USP50: variants seen among roughly 807,000 people sequenced by gnomAD.
USP50 encodes ubiquitin specific peptidase 50.
Under a neutral mutation model 39.2 loss-of-function variants are expected in USP50, and 37 were observed. That is an observed-to-expected ratio of 0.94 (90% CI 0.73 to 1.24). USP50 has a LOEUF of 1.24. Among genes scored for constraint, USP50 ranks in the 50% most tolerant of loss-of-function variants. USP50 has a pLI of 0.00. For missense variants in USP50, 374 were observed against 398.2 expected (o/e 0.94, Z 0.52); for synonymous variants, 139 against 144.5 (o/e 0.96, Z 0.27).
At chr15:50,498,359 A>G (rs62019115), downstream of USP50, 66,805 of 425,866 alleles carry the variant, frequency 0.16, 6,369 homozygotes, top group Admixed American at 0.28. Context: ...TCCTACCTCT[A>G]CCATTCTGGC....
intron 6 of USP50, among the ~76,000 whole-genome samples, chr15:50,518,980 TA>T (rs2052825692): frequency 6.6e-6 from 1 of 151,916 alleles, no homozygotes; most frequent in South Asian, 2.1e-4. Flanking sequence ...AAAAAAGAAA[TA>T]ATCCCATTAA....
chr15:50,497,281 T>G, downstream of USP50: 1 of 1,551,054 alleles, frequency 6.4e-7, no homozygotes, highest in Admixed American at 2.1e-5. Flanking sequence ...ATGAGGGAAT[T>G]TTAAGTTCTG....
intron 6 of USP50, among the ~76,000 whole-genome samples, chr15:50,521,190 C>T (rs557853982): frequency 1.3e-4 from 20 of 152,078 alleles, no homozygotes; most frequent in African/African-American, 4.1e-4. Flanking sequence ...TACAGGCGCC[C>T]GCCACCAAGC....
At chr15:50,514,807 C>T (rs2052786931) in intron 6 of USP50, among the ~76,000 whole-genome samples, 2 of 151,888 alleles carry the variant, frequency 1.3e-5, no homozygotes, top group East Asian at 1.9e-4. Context: ...GGATTACAGG[C>T]GTGAGCCACC....
At chr15:50,523,174 G>GTTTTTTTTTTT (rs1566906899) in intron 6 of USP50, among the ~76,000 whole-genome samples, 23 of 83,950 alleles carry the variant, frequency 2.7e-4, no homozygotes, top group South Asian at 8.5e-4. Flanking sequence ...AAAATCAGTA[G>GTTTTTTTTTTT]CTTTTTTTTT....
intron 6 of USP50, among the ~76,000 whole-genome samples, chr15:50,527,050 G>A (rs767508121): frequency 6.6e-5 from 10 of 152,164 alleles, no homozygotes; most frequent in Admixed American, 2.0e-4. Context: ...TCATGCAAAG[G>A]CTGGATAAAT....
intron 6 of USP50, chr15:50,510,631 T>A (rs2052723205): frequency 6.6e-6 from 1 of 152,166 alleles, no homozygotes; most frequent in South Asian, 2.1e-4. Flanking sequence ...GATACAAGAT[T>A]TAAATCAGCA....
At chr15:50,498,118 A>T, downstream of USP50, among the ~76,000 whole-genome samples, 1 of 152,322 alleles carries the variant, frequency 6.6e-6, no homozygotes, top group South Asian at 2.1e-4. Flanking sequence ...CAACCAAGAT[A>T]TCATTGTTTT....
At position 50,541,074 on chromosome 15, in the gene USP50, G is replaced by A. The variant is rs1040615668; in HGVS notation, c.635C>T (p.Pro212Leu). 2.5e-6 allele frequency: 4 copies of A among 1,613,662 alleles called. No individual in the cohort carries two copies. The highest frequency in any genetic ancestry group is 3.3e-5 in the Admixed American group (2 of 59,984). Residue 212 changes from proline to leucine, a missense_variant, in exon 4 of 7, where the codon CCA becomes CTA. Coordinates refer to ENST00000532404, the MANE Select transcript of USP50 (RefSeq NM_203494.5). The stretch of plus-strand genomic sequence containing the variant: ...CCGAAGGGAGCATTCATATTTGGAT[G>A]GAATGGGGAGTGAGAAGACAGTGAA... ...EVFTVFSLPI[P>L]SKYECSLRDC... is the part of the protein sequence containing the mutation.
rs149444604 is a variant in USP50, at chr15:50,544,975, C to T, written c.54-194G>A. On this transcript the variant is annotated intron_variant, in intron 1 of 6. Transcript: ENST00000532404. ...TATTATGGCAGAGCATAGTGGCTCA[C>T]ACCTGTAATCCCAGCCCTTTGGGAG... 8.1e-3 allele frequency among the ~76,000 whole-genome samples: 1,227 copies of T among 152,242 alleles called. 17 individuals carry two copies. Among genetic ancestry groups the T allele is most frequent in the African/African-American group, 0.028 (1,148 of 41,538 alleles).
In USP50 at chr15:50,539,441, C is replaced by T. The variant is rs538663156; in HGVS notation, c.661-590G>A. Among the ~76,000 whole-genome samples the T allele has an allele frequency of 3.7e-4, 51 of 137,258 alleles. 1 individual carries two copies. The South Asian group carries it at 0.011, about 28-fold the overall frequency. The allele number at this position is 137,258 out of a possible 152,430, so 90.0% of individuals were successfully genotyped here. ...ATTTTGCAATTTTTTTTTTTTGAGA[C>T]GGAGTCTCCCTCTGTCGCCAGGCTG... On this transcript the variant is annotated intron_variant, in intron 4 of 6. Coordinates refer to ENST00000532404, the MANE Select transcript of USP50 (RefSeq NM_203494.5).
intron 6 of USP50, chr15:50,505,325 G>A (rs1295636401): frequency 6.6e-6 from 1 of 152,232 alleles, no homozygotes; most frequent in East Asian, 1.9e-4. Context: ...CTAACCTGCT[G>A]GTAGAAGTTC....
intron 6 of USP50, among the ~76,000 whole-genome samples, chr15:50,515,232 G>T (rs2052792022): frequency 6.6e-6 from 1 of 151,854 alleles, no homozygotes; most frequent in African/African-American, 2.4e-5. Flanking sequence ...TATGAGGCTT[G>T]TGTTTTGTTG....
rs2052288649 is a variant in USP50 at position 50,494,295 on chromosome 15, T to G, written n.185-165A>C. 3 of 1,584,962 alleles carry G rather than the reference T, an allele frequency of 1.9e-6. No homozygotes were observed. In the African/African-American group the frequency reaches 4.1e-5, roughly 22 times the overall value. On this transcript the variant is annotated intron_variant and non_coding_transcript_variant, in intron 1 of 1. Transcript: ENST00000560159. Reference sequence around the variant, plus strand: ...ATCTAAATAAAGTAAGAAATTTGATTTTTCTAAGTTGCAGAGACTCTTTAG... The same window carrying G: ...ATCTAAATAAAGTAAGAAATTTGATGTTTCTAAGTTGCAGAGACTCTTTAG...
At position 50,540,526 on chromosome 15, in the gene USP50, G is replaced by T. The variant is rs575189423; in HGVS notation, c.660+523C>A. Among the ~76,000 whole-genome samples the T allele has an allele frequency of 2.0e-5, 3 of 152,138 alleles. No individual in the cohort carries two copies. In the South Asian group the frequency reaches 6.2e-4, roughly 32 times the overall value. ...AATTTTACAGTCAGGCTATTTCGTT[G>T]AGTACATTTAAAAATATGATTGAAT... On this transcript the variant is annotated intron_variant, in intron 4 of 6. Transcript: ENST00000532404.
chr15:50,538,821 C>A lies in USP50; in HGVS notation c.691G>T (p.Ala231Ser), dbSNP rs776670490. Reference protein sequence around the residue: ...DCLQCFFQQDALTWNNEIHCS... With the variant: ...DCLQCFFQQDSLTWNNEIHCS... ...TGAATTTCGTTGTTCCAGGTCAGTG[C>A]GTCTTGTTGAAAAAAACATTGGAGA... Residue 231 changes from alanine (A) to serine (S), a missense_variant, in exon 5 of 7, where the codon GCA becomes TCA. By Grantham distance (99) the Ala-to-Ser change is moderately conservative. Transcript: ENST00000532404. 5 of 1,610,356 alleles carry A rather than the reference C, an allele frequency of 3.1e-6. No individual in the cohort carries two copies. In the Admixed American group the frequency reaches 5.1e-5, roughly 16 times the overall value.
chr15:50,535,757 A>T (rs3101859), intron 5 of USP50, among the ~76,000 whole-genome samples: 37,377 of 151,978 alleles, frequency 0.25, 4,812 homozygotes, highest in East Asian at 0.47. Flanking sequence ...CTACAAAAAA[A>T]TTTTAAAAAT....
chr15:50,545,551 GAT>G (rs147313549), intron 1 of USP50, among the ~76,000 whole-genome samples: 3,983 of 150,596 alleles, frequency 0.026, 85 homozygotes, highest in South Asian at 0.088. Context: ...CTATATATGT[GAT>G]ATATATGTAT....
At chr15:50,524,101 TATATC>T (rs1216202627) in intron 6 of USP50, among the ~76,000 whole-genome samples, 5 of 152,192 alleles carry the variant, frequency 3.3e-5, no homozygotes, top group African/African-American at 1.2e-4. Flanking sequence ...AGTGGATCCT[TATATC>T]ATAAACAAAA....
Sources: allele counts gnomAD v4.1 joint callset (sites outside exome capture counted in the v4.1 genomes callset), GRCh38; gene constraint gnomAD v4.1.1; transcripts MANE v1.5; gene names NCBI Gene and HGNC (gene_info 2026-07-23, HGNC 2026-07-21).